The following DBF4 variants were observed in gnomAD, a reference collection of about 807,000 sequenced individuals.
The protein encoded by DBF4 is protein DBF4 homolog A.
DBF4 carries 25 observed loss-of-function variants against 76.6 expected under a neutral mutation model. The observed-to-expected ratio is 0.33, with a 90% CI of 0.24 to 0.46. The LOEUF is 0.46. DBF4 is among the 20% of genes least tolerant of loss of function. The probability of loss-of-function intolerance (pLI) is 1.00; values close to 1 mark genes in which losing one functional copy is unlikely to be tolerated. For missense variants in DBF4, 638 were observed against 760.8 expected, an observed-to-expected ratio of 0.84 and a Z score of 1.90; for synonymous variants, 213 against 258.0, an observed-to-expected ratio of 0.83 and a Z score of 1.67.
At chr7:87,877,788 A>G (rs1584348406) in intron 1 of DBF4, among the ~76,000 whole-genome samples, 2 of 152,220 alleles carry the variant, frequency 1.3e-5, no homozygotes, top group Non-Finnish European at 2.9e-5. Context: ...CTTTCAAAAG[A>G]GTTTTATATA....
chr7:87,880,661 G>T (rs1303742879), intron 2 of DBF4, among the ~76,000 whole-genome samples: 1 of 151,238 alleles, frequency 6.6e-6, no homozygotes, highest in Admixed American at 6.6e-5. Context: ...ACCATTTCAC[G>T]TACTTTGGTT....
intron 2 of DBF4, among the ~76,000 whole-genome samples, chr7:87,884,357 T>C (rs1275177968): frequency 2.6e-5 from 4 of 152,100 alleles, no homozygotes; most frequent in Non-Finnish European, 5.9e-5. Flanking sequence ...CAAGACCCCA[T>C]CTCTTAAGAA....
At chr7:87,894,241 A>G (rs1839569192) in intron 6 of DBF4, among the ~76,000 whole-genome samples, 1 of 152,212 alleles carries the variant, frequency 6.6e-6, no homozygotes. Flanking sequence ...GGATCACTTT[A>G]GCTCAGAAGT....
At chr7:87,903,796 G>A (rs1839849219) in intron 10 of DBF4, among the ~76,000 whole-genome samples, 1 of 147,080 alleles carries the variant, frequency 6.8e-6, no homozygotes, top group Non-Finnish European at 1.5e-5. Flanking sequence ...CTGGGTTCAA[G>A]TGATTCTTCT....
At position 87,908,213 on chromosome 7, in the gene DBF4, A is replaced by C. The variant is rs777799317; in HGVS notation, c.*50A>C. Reference sequence around the variant, plus strand: ...GAAGTGATAAGGATCATATTCTTGAAATTTTTATAAATATGTATGGAAATT... The same window carrying C: ...GAAGTGATAAGGATCATATTCTTGACATTTTTATAAATATGTATGGAAATT... On this transcript the variant is annotated 3_prime_UTR_variant, in exon 12 of 12. Transcript: ENST00000265728. The C allele has an allele frequency of 4.2e-5, 57 of 1,367,848 alleles. No individual in the cohort carries two copies. Among genetic ancestry groups the C allele is most frequent in the Admixed American group, 1.5e-4 (5 of 34,094 alleles). 84.7% of individuals were successfully genotyped at this position (1,367,848 alleles called of 1,614,324 possible).
intron 6 of DBF4, among the ~76,000 whole-genome samples, chr7:87,893,551 T>C (rs1009978780): frequency 1.3e-5 from 2 of 152,242 alleles, no homozygotes; most frequent in South Asian, 2.1e-4. Flanking sequence ...GGCCTTCTTA[T>C]GTCTTCCTGG....
At chr7:87,888,153 G>C in intron 6 of DBF4, 94 bp downstream of exon 6, 1 of 1,405,848 alleles carries the variant, frequency 7.1e-7, no homozygotes, top group African/African-American at 1.5e-5. Context: ...AATATCCTAG[G>C]GGCAAGCCTG....
In DBF4 at chr7:87,890,770, A is replaced by G. The variant is rs117498068; in HGVS notation, c.597+2711A>G. ...TTCCTTCAGTAGTAACAAATATTAA[A>G]TGCCTGCTATGTGCCATGCAGTAGG... is the stretch of plus-strand genomic sequence containing the variant. On this transcript the variant is annotated intron_variant, in intron 6 of 11. Coordinates refer to ENST00000265728, the MANE Select transcript of DBF4 (RefSeq NM_006716.4). 2.7e-3 allele frequency among the ~76,000 whole-genome samples: 414 copies of G among 152,326 alleles called. 8 individuals carry two copies. In the East Asian group the frequency reaches 0.028, roughly 10 times the overall value.
At chr7:87,889,517 C>G (rs1327861605) in intron 6 of DBF4, among the ~76,000 whole-genome samples, 1 of 152,010 alleles carries the variant, frequency 6.6e-6, no homozygotes, top group East Asian at 1.9e-4. Flanking sequence ...TGAGCTCAAG[C>G]TATCCACCCG....
chr7:87,888,009 A>G lies in DBF4; in HGVS notation c.547A>G (p.Lys183Glu), dbSNP rs1190352308. 2 of 1,558,248 alleles carry G rather than the reference A, an allele frequency of 1.3e-6. No individual in the cohort carries two copies. Among genetic ancestry groups the G allele is most frequent in the Non-Finnish European group, 8.7e-7 (1 of 1,154,564 alleles). The change falls in exon 6 of 12, where the codon AAA becomes GAA. Residue 183 changes from lysine to glutamate, a missense_variant. Physicochemically the swap from Lys to Glu is moderately conservative, Grantham distance 56. Transcript: ENST00000265728. ...CATTAGATACTACATTGAACAAAAG[A>G]AAAAAGAGTTGTATTTACTCAAGAA... ...DDIRYYIEQK[K>E]KELYLLKKSS...
Position 87,900,334 on chromosome 7 carries a change from C to T in DBF4, c.794C>T (p.Thr265Ile), listed in dbSNP as rs149000144. ...AAGCCATCTAGTATGCAAAAGCAAA[C>T]TCAGGTTAAACTAAGGTTGGTTTGA... ...VDKPSSMQKQ[T>I]QVKLRIQTDG... Residue 265 changes from threonine to isoleucine, a missense_variant, in exon 9 of 12, where the codon ACT (threonine) becomes ATT (isoleucine). Physicochemically the swap from Thr to Ile is moderately conservative, Grantham distance 89. Coordinates refer to ENST00000265728, the MANE Select transcript of DBF4 (RefSeq NM_006716.4). The T allele has an allele frequency of 6.3e-7, 1 of 1,589,604 alleles. No individual in the cohort carries two copies. The highest frequency in any genetic ancestry group is 1.8e-5 in the Admixed American group (1 of 54,204).
Position 87,900,790 on chromosome 7 carries a change from G to T in DBF4, c.836G>T (p.Gly279Val). The change falls in exon 10 of 12, where the codon GGT (glycine) becomes GTT (valine). Residue 279 changes from glycine (G) to valine (V), a missense_variant. Gly to Val is a moderately radical substitution (Grantham distance 109). Transcript: ENST00000265728. ...ATCCAAACAGATGGCGATAAGTATG[G>T]TGGAACCTCAATTCAACTCCAGTTG... is the stretch of plus-strand genomic sequence containing the variant. ...LRIQTDGDKY[G>V]GTSIQLQLKE... 1 of 1,613,308 alleles carries T rather than the reference G, an allele frequency of 6.2e-7. No individual in the cohort carries two copies.
rs576459063 is a variant in DBF4, at chr7:87,878,082, A to G, written c.76A>G (p.Arg26Gly). ...GGIQVKNEKN[R>G]PSLKSLKTDN... ...AATCCAAGTCAAAAATGAAAAAAACAGACCATCTCTGAAATCTCTGAAAAC... is the reference window on the plus strand; with the variant it reads ...AATCCAAGTCAAAAATGAAAAAAACGGACCATCTCTGAAATCTCTGAAAAC... The change falls in exon 2 of 12, where the codon AGA becomes GGA. Residue 26 changes from arginine (R) to glycine (G), a missense_variant. Arg to Gly is a moderately radical substitution (Grantham distance 125). Coordinates refer to ENST00000265728, the MANE Select transcript of DBF4 (RefSeq NM_006716.4). 7 of 1,606,516 alleles carry G rather than the reference A, an allele frequency of 4.4e-6. No individual in the cohort carries two copies. The African/African-American group carries it at 9.4e-5, about 22-fold the overall frequency.
intron 8 of DBF4, among the ~76,000 whole-genome samples, chr7:87,897,616 T>C (rs1474815545): frequency 6.6e-6 from 1 of 152,230 alleles, no homozygotes; most frequent in African/African-American, 2.4e-5. Context: ...TCTGGCTAAA[T>C]GCAGTACCAA....
At position 87,908,096 on chromosome 7, in the gene DBF4, A is replaced by G; in HGVS notation, c.1958A>G (p.Glu653Gly). The G allele has an allele frequency of 6.2e-7, 1 of 1,610,520 alleles. No homozygotes were observed. Among genetic ancestry groups the G allele is most frequent in the Non-Finnish European group, 8.5e-7 (1 of 1,178,920 alleles). ...ICNVLDIWEE[E>G]NSDNLLTAFF... ...AATGTTTTAGATATTTGGGAAGAGG[A>G]AAATTCAGATAATCTGTTAACAGCG... Residue 653 changes from glutamate to glycine, a missense_variant, in exon 12 of 12, where the codon GAA becomes GGA. Glu to Gly is a moderately conservative substitution (Grantham distance 98). Transcript: ENST00000265728.
At chr7:87,881,071 T>C (rs1227782967) in intron 2 of DBF4, among the ~76,000 whole-genome samples, 1 of 152,202 alleles carries the variant, frequency 6.6e-6, no homozygotes, top group Non-Finnish European at 1.5e-5. Context: ...TCAACAAATG[T>C]TTGAGTATGA....
chr7:87,895,727 T>C (rs1055921623), intron 6 of DBF4, among the ~76,000 whole-genome samples: 1 of 152,212 alleles, frequency 6.6e-6, no homozygotes, highest in African/African-American at 2.4e-5. Flanking sequence ...CAGCTTGCAG[T>C]GGCCTCTTTC....
rs775299633 is a variant in DBF4 at position 87,876,694 on chromosome 7, C to T, written c.-39C>T. 2.0e-5 allele frequency: 33 copies of T among 1,612,852 alleles called. No individual in the cohort carries two copies. The East Asian group carries it at 7.1e-4, about 35-fold the overall frequency. ...GCTTTCGCGGCTGCCCGGTGCGACA[C>T]TTTCTCCGGACCCAGCATGTAGGTG... On this transcript the variant is annotated 5_prime_UTR_variant, in exon 1 of 12. Transcript: ENST00000265728.
At chr7:87,887,098 C>G (rs370728884) in intron 4 of DBF4, among the ~76,000 whole-genome samples, 1 of 152,144 alleles carries the variant, frequency 6.6e-6, no homozygotes, top group Non-Finnish European at 1.5e-5. Flanking sequence ...TTACTGGAAA[C>G]TTAAAACTTG....
Sources: gnomAD v4.1 joint callset for allele counts (sites outside exome capture counted in the v4.1 genomes callset) on GRCh38, gnomAD v4.1.1 for gene constraint, MANE v1.5 for transcripts, NCBI Gene and HGNC (gene_info 2026-07-23, HGNC 2026-07-21) for gene names.